Variants in L3MBTL1 observed in about 807,000 individuals in gnomAD.
The protein encoded by L3MBTL1 is L3MBTL histone methyl-lysine binding protein 1.
Under a neutral mutation model 105.3 loss-of-function variants are expected in L3MBTL1, and 75 were observed. That is an observed-to-expected ratio of 0.71 (90% confidence interval 0.59 to 0.86). L3MBTL1 has a LOEUF of 0.86. Among genes scored for constraint, L3MBTL1 ranks in the 40% least tolerant of loss-of-function variants. The pLI, the probability that L3MBTL1 is intolerant of heterozygous loss-of-function variation, is 0.00. For missense variants in L3MBTL1, 1,069 were observed against 1,126.4 expected (o/e 0.95, Z 0.73); for synonymous variants, 452 against 436.2 (o/e 1.04, Z -0.45).
Position 43,541,803 on chromosome 20 carries a change from C to T in L3MBTL1, c.*675C>T, listed in dbSNP as rs896055680. On this transcript the variant is annotated 3_prime_UTR_variant, in exon 22 of 22. Coordinates refer to ENST00000418998, the MANE Select transcript of L3MBTL1 (RefSeq NM_001377303.1). ...TGTGTATCACTAGTATATAATAGAG[C>T]AATATTATGGAGGAATATGTAGATC... The T allele has an allele frequency of 1.0e-6, 1 of 983,032 alleles. No individual in the cohort carries two copies. Among genetic ancestry groups the T allele is most frequent in the African/African-American group, 1.7e-5 (1 of 57,188 alleles). 60.9% of individuals were successfully genotyped at this position (983,032 alleles called of 1,614,324 possible). A position where few individuals can be genotyped will look rare whatever the true frequency, so the allele number is the denominator to read the frequency against.
chr20:43,541,336 CT>C lies in L3MBTL1; in HGVS notation c.*209del. On this transcript the variant is annotated 3_prime_UTR_variant, in exon 22 of 22. Transcript: ENST00000418998. ...TCTGTCAATTTGAGCTGTTTACTGTCTCTGAGCCTACATCTTCTTGTCTGTA... is the reference window on the plus strand; with the variant it reads ...TCTGTCAATTTGAGCTGTTTACTGTCCTGAGCCTACATCTTCTTGTCTGTA... 1.1e-6 allele frequency: 1 copy of C among 923,306 alleles called. No individual in the cohort carries two copies. Among genetic ancestry groups the C allele is most frequent in the Non-Finnish European group, 1.5e-6 (1 of 645,546 alleles). The allele number at this position is 923,306 out of a possible 1,614,324, so 57.2% of individuals were successfully genotyped here.
Position 43,514,487 on chromosome 20 carries a change from G to C in L3MBTL1, c.361-148G>C, listed in dbSNP as rs139826927. The C allele has an allele frequency of 1.8e-3, 2,784 of 1,534,304 alleles. 3 individuals are homozygous for C. Among genetic ancestry groups the C allele is most frequent in the Admixed American group, 2.4e-3 (119 of 50,378 alleles). On this transcript the variant is annotated intron_variant, in intron 3 of 21. Transcript: ENST00000418998. ...CTGGAGTGAGGGTTTGGCTGGTGTA[G>C]CTTGGAGTGAGGCCCCCTGGCGTGG... is the stretch of plus-strand genomic sequence containing the variant.
intron 3 of L3MBTL1, chr20:43,514,375 C>T (rs1297857930): frequency 3.7e-5 from 51 of 1,362,608 alleles, no homozygotes; most frequent in Non-Finnish European, 4.7e-5. Flanking sequence ...AGTGGGGTAC[C>T]GTGGGACTGG....
At position 43,526,780 on chromosome 20, in the gene L3MBTL1, G is replaced by A. The variant is rs566995231; in HGVS notation, c.863-1877G>A. On this transcript the variant is annotated intron_variant, in intron 7 of 21. Transcript: ENST00000418998. ...TTACTGGCCAACATGGTGAAACCCC[G>A]TCTCTACTAAAGATTTAAAAAATAG... 1.1e-4 allele frequency among the ~76,000 whole-genome samples: 17 copies of A among 152,240 alleles called. No individual in the cohort carries two copies. The South Asian group carries it at 1.9e-3, about 17-fold the overall frequency.
intron 7 of L3MBTL1, chr20:43,523,397 C>T (rs1485750047): frequency 4.6e-6 from 1 of 219,684 alleles, no homozygotes; most frequent in Non-Finnish European, 9.8e-6. Context: ...CAAGGAAAAC[C>T]CAAGCATCCC....
chr20:43,514,016 G>A lies in L3MBTL1; in HGVS notation c.315G>A (p.Leu105=), dbSNP rs1274433764. The A allele has an allele frequency of 4.5e-6, 7 of 1,540,252 alleles. No individual in the cohort carries two copies. The highest frequency in any genetic ancestry group is 6.1e-6 in the Non-Finnish European group (7 of 1,146,816). The part of the protein sequence containing the change: ...ASSSTSTVRL[L]EWTEAAAPPP... The stretch of plus-strand genomic sequence containing the variant: ...CCAGCACCAGCACAGTGCGGCTTCT[G>A]GAATGGACAGAGGCCGCGGCCCCGC... Residue 105 remains leucine (L), a synonymous_variant, in exon 3 of 22, where the codon CTG becomes CTA. Transcript: ENST00000418998.
downstream of L3MBTL1, among the ~76,000 whole-genome samples, chr20:43,546,234 G>T (rs1381346631): frequency 6.6e-6 from 1 of 152,242 alleles, no homozygotes; most frequent in Non-Finnish European, 1.5e-5. Flanking sequence ...AGGGTCTGTA[G>T]TGCAGTCTGT....
intron 1 of L3MBTL1, among the ~76,000 whole-genome samples, chr20:43,508,360 C>T (rs1017136608): frequency 6.6e-6 from 1 of 152,156 alleles, no homozygotes; most frequent in East Asian, 1.9e-4. Flanking sequence ...TGGAACCCTG[C>T]GCTCAGGGCC....
intron 7 of L3MBTL1, among the ~76,000 whole-genome samples, chr20:43,522,780 CTTTTTTTTT>C (rs541049478): frequency 8.5e-6 from 1 of 118,098 alleles, no homozygotes; most frequent in African/African-American, 3.2e-5. Flanking sequence ...CCAACGGTGT[CTTTTTTTTT>C]TTTTTTTTTT....
At chr20:43,519,550 C>A (rs760138981) in intron 7 of L3MBTL1, among the ~76,000 whole-genome samples, 1 of 152,052 alleles carries the variant, frequency 6.6e-6, no homozygotes, top group Non-Finnish European at 1.5e-5. Context: ...GCAGGAGAAT[C>A]GCTTGAACCT....
chr20:43,508,704 G>A (rs1420629042), intron 1 of L3MBTL1, among the ~76,000 whole-genome samples: 1 of 152,224 alleles, frequency 6.6e-6, no homozygotes, highest in African/African-American at 2.4e-5. Flanking sequence ...AACAGACTCC[G>A]ATAGCAAGAT....
rs772695696 is a variant in L3MBTL1 at position 43,534,410 on chromosome 20, T to G, written c.1710+16T>G. 3 of 1,607,922 alleles carry G rather than the reference T, an allele frequency of 1.9e-6. No individual in the cohort carries two copies. In the African/African-American group the frequency reaches 4.0e-5, roughly 21 times the overall value. On this transcript the variant is annotated intron_variant, in intron 15 of 21. Transcript: ENST00000418998. The stretch of plus-strand genomic sequence containing the variant: ...TCGGATAAAGGTGGCTCTGGGACCC[T>G]AGGGCTGGGAAGTGGACAGGCCAGT...
Position 43,532,825 on chromosome 20 carries a change from G to T in L3MBTL1, c.1337G>T (p.Arg446Leu). ...GGCATGAAGCTGGAGGCTGTTGACC[G>T]CATGAACCCGTCCCTTGTCTGCGTG... The part of the protein sequence containing the change: ...QVGMKLEAVD[R>L]MNPSLVCVAS... The change falls in exon 12 of 22, where the codon CGC (arginine) becomes CTC (leucine). Residue 446 changes from arginine to leucine, a missense_variant. Physicochemically the swap from Arg to Leu is moderately radical, Grantham distance 102. Transcript: ENST00000418998. 1 of 1,614,194 alleles carries T rather than the reference G, an allele frequency of 6.2e-7. No individual in the cohort carries two copies. Among genetic ancestry groups the T allele is most frequent in the South Asian group, 1.1e-5 (1 of 91,092 alleles).
intron 20 of L3MBTL1, 84 bp downstream of exon 20, chr20:43,540,392 T>G (rs748551499): frequency 9.5e-5 from 140 of 1,475,596 alleles, no homozygotes; most frequent in Non-Finnish European, 1.2e-4. Context: ...CCAGGTCAGG[T>G]AGAACCCGGT....
At position 43,515,110 on chromosome 20, in the gene L3MBTL1, C is replaced by G. The variant is rs1427001307; in HGVS notation, c.604C>G (p.Pro202Ala). 3 of 1,614,168 alleles carry G rather than the reference C, an allele frequency of 1.9e-6. No individual in the cohort carries two copies. In the South Asian group the frequency reaches 3.3e-5, roughly 18 times the overall value. ...QACGPHQAAG[P>A]DLGSSNDGCP... is the part of the protein sequence containing the mutation. ...GTGCGGGCCTCACCAAGCCGCGGGT[C>G]CAGATCTTGGTTCCTCTAATGATGG... The change falls in exon 5 of 22, where the codon CCA (proline) becomes GCA (alanine). Residue 202 changes from proline to alanine, a missense_variant. Coordinates refer to ENST00000418998, the MANE Select transcript of L3MBTL1 (RefSeq NM_001377303.1).
At chr20:43,544,862 A>G (rs1978484394), downstream of L3MBTL1, among the ~76,000 whole-genome samples, 2 of 152,232 alleles carry the variant, frequency 1.3e-5, no homozygotes, top group Middle Eastern at 3.4e-3. Context: ...GCTACTCGGG[A>G]GGCTGTGGCA....
chr20:43,547,723 A>G (rs1978715407), intron 18 of L3MBTL1, among the ~76,000 whole-genome samples: 1 of 152,176 alleles, frequency 6.6e-6, no homozygotes. Flanking sequence ...AAGGTTGACC[A>G]ATGAGGTCAT....
At position 43,532,576 on chromosome 20, in the gene L3MBTL1, A is replaced by G. The variant is rs2019396616; in HGVS notation, c.1285-197A>G. ...GGCCTCTGAGTGCACCTTGGAGGCC[A>G]GAGGTTCCTGAGTGCCTCAGGGCTC... On this transcript the variant is annotated intron_variant, in intron 11 of 21. Coordinates refer to ENST00000418998, the MANE Select transcript of L3MBTL1 (RefSeq NM_001377303.1). The G allele has an allele frequency of 5.3e-6, 3 of 563,736 alleles. No individual in the cohort carries two copies. The South Asian group carries it at 7.6e-5, about 14-fold the overall frequency. 34.9% of individuals were successfully genotyped at this position (563,736 alleles called of 1,614,324 possible).
At chr20:43,513,387 C>A in intron 1 of L3MBTL1, 89 bp from the exon 2 acceptor site, 1 of 1,364,292 alleles carries the variant, frequency 7.3e-7, no homozygotes, top group Non-Finnish European at 9.8e-7. Context: ...TGGCTAGCTT[C>A]TCAAAGAAGC....
Sources: gnomAD v4.1 joint callset for allele counts (sites outside exome capture counted in the v4.1 genomes callset) on GRCh38, gnomAD v4.1.1 for gene constraint, MANE v1.5 for transcripts, NCBI Gene and HGNC (gene_info 2026-07-23, HGNC 2026-07-21) for gene names.